TEX14: variants seen among roughly 807,000 people sequenced by gnomAD.
TEX14 encodes the protein testis expressed 14, intercellular bridge forming factor.
A neutral mutation model predicts 178.6 loss-of-function variants in TEX14; 168 were observed. The ratio of observed to expected loss-of-function variants is 0.94; its 90% CI spans 0.83 to 1.07. TEX14 has a LOEUF of 1.07. Ranked by LOEUF, TEX14 falls within the 50% of genes least tolerant of loss-of-function variation. The pLI, the probability that TEX14 is intolerant of heterozygous loss-of-function variation, is 0.00. For synonymous variants in TEX14, 626 were observed against 634.1 expected, an observed-to-expected ratio of 0.99 and a Z score of 0.19; for missense variants, 1,730 against 1,753.6, an observed-to-expected ratio of 0.99 and a Z score of 0.24.
chr17:58,594,016 G>A (rs2045220364), intron 14 of TEX14, among the ~76,000 whole-genome samples: 1 of 152,186 alleles, frequency 6.6e-6, no homozygotes, highest in East Asian at 1.9e-4. Context: ...TGTATTGTTA[G>A]TAGAGACAGG....
At chr17:58,635,031 C>G (rs2046403002) in intron 2 of TEX14, among the ~76,000 whole-genome samples, 1 of 151,734 alleles carries the variant, frequency 6.6e-6, no homozygotes, top group Non-Finnish European at 1.5e-5. Context: ...ACTCAGGAGG[C>G]TGAGGGAGGA....
At chr17:58,628,106 G>A (rs1020078075) in intron 3 of TEX14, among the ~76,000 whole-genome samples, 7 of 151,928 alleles carry the variant, frequency 4.6e-5, no homozygotes, top group Non-Finnish European at 1.0e-4. Flanking sequence ...AGCCAGTAGA[G>A]CGTGTGTGAG....
intron 3 of TEX14, among the ~76,000 whole-genome samples, chr17:58,624,079 C>G (rs1269877638): frequency 6.6e-6 from 1 of 152,076 alleles, no homozygotes; most frequent in Non-Finnish European, 1.5e-5. Context: ...GTCAGGAGAT[C>G]GAGGCCATCC....
chr17:58,603,900 T>C (rs1465865116), intron 11 of TEX14, among the ~76,000 whole-genome samples: 1 of 56,540 alleles, frequency 1.8e-5, no homozygotes, highest in South Asian at 4.5e-4. Context: ...TGTGTGTGTG[T>C]GTGTGTGTGT....
At chr17:58,639,608 G>C (rs2046526326) in intron 2 of TEX14, among the ~76,000 whole-genome samples, 1 of 152,164 alleles carries the variant, frequency 6.6e-6, no homozygotes, top group Admixed American at 6.5e-5. Flanking sequence ...GCTGAGGCAG[G>C]AGAATCGCTT....
chr17:58,592,647 T>C (rs995650521), intron 15 of TEX14, among the ~76,000 whole-genome samples: 3 of 151,626 alleles, frequency 2.0e-5, no homozygotes, highest in African/African-American at 7.3e-5. Flanking sequence ...CAAGCTATTA[T>C]TGAGCTTCCA....
At chr17:58,685,179 T>C (rs933255582) in intron 1 of TEX14, among the ~76,000 whole-genome samples, 6 of 151,222 alleles carry the variant, frequency 4.0e-5, no homozygotes, top group African/African-American at 1.5e-4. Context: ...AAGGACCTGT[T>C]TTGAAGCACG....
chr17:58,604,975 T>C lies in TEX14; in HGVS notation c.1336+3A>G. On this transcript the variant is annotated splice_donor_region_variant and intron_variant, in intron 11 of 31. Transcript: ENST00000349033. ...TGGTCAACCATTAATGATCTTGATC[T>C]ACCTGTTAAAATCTCCTGCATGATC... is the stretch of plus-strand genomic sequence containing the variant. 1.2e-6 allele frequency: 2 copies of C among 1,614,172 alleles called. No individual in the cohort carries two copies. Among genetic ancestry groups the C allele is most frequent in the Non-Finnish European group, 1.7e-6 (2 of 1,179,992 alleles).
chr17:58,634,008 G>A (rs1195097295), intron 2 of TEX14, among the ~76,000 whole-genome samples: 1 of 150,430 alleles, frequency 6.6e-6, no homozygotes, highest in Non-Finnish European at 1.5e-5. Context: ...AAGCCAAAAA[G>A]TAGGCAGAGA....
chr17:58,622,575 A>G (rs556448656), intron 4 of TEX14, among the ~76,000 whole-genome samples: 3 of 152,332 alleles, frequency 2.0e-5, no homozygotes, highest in South Asian at 4.1e-4. Context: ...ATATATAAAA[A>G]ACATTTAAAA....
Position 58,570,388 on chromosome 17 carries a change from T to C in TEX14, c.3814A>G (p.Lys1272Glu). The C allele has an allele frequency of 6.6e-7, 1 of 1,510,146 alleles. No individual in the cohort carries two copies. 93.5% of individuals were successfully genotyped at this position (1,510,146 alleles called of 1,614,324 possible). A position where few individuals can be genotyped will look rare whatever the true frequency, so the allele number is the denominator to read the frequency against. Residue 1272 changes from lysine to glutamate, a missense_variant, in exon 25 of 32, where the codon AAA becomes GAA. Lys to Glu is a moderately conservative substitution (Grantham distance 56). This residue lies in a region of TEX14 where 941 missense variants were observed against 1,072.4 expected (regional missense o/e 0.88). Transcript: ENST00000349033. ...TTTGATATTAAACACAGGGTACCTT[T>C]AGGCAGGCTCCTTCTCTGGGTGGCA... ...PHATQRRSLP[K>E]VEAFSQHHID...
chr17:58,659,271 G>A (rs887411626), intron 1 of TEX14: 23 of 869,786 alleles, frequency 2.6e-5, no homozygotes, highest in East Asian at 1.2e-4. Flanking sequence ...CACTTTATCA[G>A]GACCAACAGC....
At chr17:58,651,269 C>CT (rs2046834846) in intron 2 of TEX14, among the ~76,000 whole-genome samples, 1 of 152,134 alleles carries the variant, frequency 6.6e-6, no homozygotes, top group Non-Finnish European at 1.5e-5. Flanking sequence ...GAGTGAGACT[C>CT]TGTCTCCAAA....
chr17:58,602,028 T>A, intron 12 of TEX14, 72 bp from the exon 13 acceptor site: 1 of 1,505,244 alleles, frequency 6.6e-7, no homozygotes. Flanking sequence ...TTAGAAACCA[T>A]CTAAGTATCT....
rs56225478 is a variant in TEX14 at position 58,611,224 on chromosome 17, T to C, written c.1121A>G (p.Tyr374Cys). ...QGFIHRSLSS[Y>C]AVHIISPGEA... Reference sequence around the variant, plus strand: ...ACCTGGGGAGATGATATGGACAGCATAGGAGCTGAGGGAGCGGTGGATAAA... The same window carrying C: ...ACCTGGGGAGATGATATGGACAGCACAGGAGCTGAGGGAGCGGTGGATAAA... The change falls in exon 10 of 32, where the codon TAT becomes TGT. Residue 374 changes from tyrosine to cysteine, a missense_variant. By Grantham distance (194) the Tyr-to-Cys change is radical. Coordinates refer to ENST00000349033, the MANE Select transcript of TEX14 (RefSeq NM_031272.5). 1.7e-5 allele frequency: 28 copies of C among 1,613,800 alleles called. No homozygotes were observed. Among genetic ancestry groups the C allele is most frequent in the East Asian group, 1.1e-4 (5 of 44,880 alleles).
intron 2 of TEX14, among the ~76,000 whole-genome samples, chr17:58,651,469 G>A (rs548339655): frequency 6.6e-6 from 1 of 152,258 alleles, no homozygotes; most frequent in African/African-American, 2.4e-5. Flanking sequence ...CAGAAAAAAG[G>A]CACCAAGTGG....
At chr17:58,687,478 G>A (rs371933266) in intron 1 of TEX14, among the ~76,000 whole-genome samples, 12 of 151,854 alleles carry the variant, frequency 7.9e-5, no homozygotes, top group Admixed American at 6.6e-4. Context: ...CAACAGAATC[G>A]GGTGCTCTAC....
In TEX14 at chr17:58,599,085, T is replaced by C. The variant is rs776686986; in HGVS notation, c.2260A>G (p.Ile754Val). ...TGTTTCATCTCGACTTCATCTAATA[T>C]CTGCTCGATATTCCTCAGCCTATCA... is the stretch of plus-strand genomic sequence containing the variant. ...NDDRLRNIEQ[I>V]LDEVEMKQKE... The change falls in exon 14 of 32, where the codon ATA (isoleucine) becomes GTA (valine). Residue 754 changes from isoleucine to valine, a missense_variant. Ile to Val is a conservative substitution (Grantham distance 29). This residue lies in a region of TEX14 where 941 missense variants were observed against 1,072.4 expected (regional missense o/e 0.88). Transcript: ENST00000349033. 1.2e-6 allele frequency: 2 copies of C among 1,614,100 alleles called. No homozygotes were observed. The highest frequency in any genetic ancestry group is 2.7e-5 in the African/African-American group (2 of 74,950).
chr17:58,660,611 G>C (rs1427798748), intron 1 of TEX14: 1 of 792,356 alleles, frequency 1.3e-6, no homozygotes, highest in East Asian at 2.4e-5. Context: ...GTAGCCCCTA[G>C]GGTGGGTGTC....
Sources: allele counts gnomAD v4.1 joint callset (sites outside exome capture counted in the v4.1 genomes callset), GRCh38; gene constraint gnomAD v4.1.1; regional missense constraint gnomAD v4.1.1; transcripts MANE v1.5; gene names NCBI Gene and HGNC (gene_info 2026-07-23, HGNC 2026-07-21).